The following CCDC66 variants were observed in gnomAD, a reference collection of about 807,000 sequenced individuals.
The protein encoded by CCDC66 is coiled-coil domain-containing protein 66.
Under a neutral mutation model 128.3 loss-of-function variants are expected in CCDC66, and 133 were observed. The observed-to-expected ratio is 1.04, with a 90% CI of 0.90 to 1.20. The LOEUF (loss-of-function observed/expected upper bound fraction) is 1.20, where lower values mean the gene tolerates loss of function less well. Among genes scored for constraint, CCDC66 ranks in the 50% most tolerant of loss-of-function variants. The pLI is 0.00. For missense variants in CCDC66, 1,126 were observed against 1,075.5 expected (o/e 1.05, Z -0.66); for synonymous variants, 387 against 357.0 (o/e 1.08, Z -0.95).
chr3:56,565,870 G>C (rs2065772344), intron 4 of CCDC66, among the ~76,000 whole-genome samples: 1 of 152,000 alleles, frequency 6.6e-6, no homozygotes, highest in Non-Finnish European at 1.5e-5. Flanking sequence ...GTTTCACCGT[G>C]TTCGCCAGGA....
intron 10 of CCDC66, among the ~76,000 whole-genome samples, chr3:56,600,485 G>A (rs1013972946): frequency 1.5e-4 from 23 of 151,858 alleles, no homozygotes; most frequent in Admixed American, 3.9e-4. Flanking sequence ...TAATCCCTTC[G>A]GTATATACCT....
At chr3:56,600,442 C>T (rs112932923) in intron 10 of CCDC66, among the ~76,000 whole-genome samples, 11 of 151,980 alleles carry the variant, frequency 7.2e-5, no homozygotes, top group African/African-American at 2.4e-4. Context: ...CCACCGCGCC[C>T]GGCTGCATGT....
chr3:56,561,334 C>T (rs575602140), intron 3 of CCDC66: 1 of 452,604 alleles, frequency 2.2e-6, no homozygotes, highest in African/African-American at 2.0e-5. Flanking sequence ...TGAAGATCCC[C>T]TTTATAGGCC....
chr3:56,563,403 AAAAAG>A (rs2065385734), intron 3 of CCDC66: 12 of 261,674 alleles, frequency 4.6e-5, no homozygotes, highest in Non-Finnish European at 5.0e-5. Flanking sequence ...GAAAAAAAAA[AAAAAG>A]AGATAATGTA....
intron 10 of CCDC66, among the ~76,000 whole-genome samples, chr3:56,605,929 C>T (rs1454856630): frequency 2.6e-5 from 4 of 151,098 alleles, no homozygotes; most frequent in Non-Finnish European, 5.9e-5. Context: ...TCTATAAGCC[C>T]CTGACTGGGG....
chr3:56,566,909 T>C, intron 5 of CCDC66, 41 bp from the exon 6 acceptor site: 1 of 1,540,032 alleles, frequency 6.5e-7, no homozygotes, highest in Non-Finnish European at 8.9e-7. Flanking sequence ...TGTGTAGAAA[T>C]GTATGATACA....
At chr3:56,565,655 T>C (rs9756585) in intron 4 of CCDC66, among the ~76,000 whole-genome samples, 4 of 151,184 alleles carry the variant, frequency 2.6e-5, no homozygotes, top group African/African-American at 4.9e-5. Flanking sequence ...CTCGCTCCGT[T>C]GCCCAGGCTG....
Position 56,613,496 on chromosome 3 carries a change from G to T in CCDC66, c.1405-93G>T, listed in dbSNP as rs546771301. 9.1e-6 allele frequency: 13 copies of T among 1,429,452 alleles called. No homozygotes were observed. The East Asian group carries it at 3.1e-4, about 34-fold the overall frequency. The allele number at this position is 1,429,452 out of a possible 1,614,324, so 88.5% of individuals were successfully genotyped here. On this transcript the variant is annotated intron_variant, in intron 10 of 17. Transcript: ENST00000394672. The stretch of plus-strand genomic sequence containing the variant: ...ATTTTGGTTCCCCTCTGTGGAAGAG[G>T]TGAGCACTGAATGTATCTAGTCAGC...
chr3:56,581,165 G>A (rs1040718104), intron 7 of CCDC66, among the ~76,000 whole-genome samples: 15 of 151,646 alleles, frequency 9.9e-5, no homozygotes, highest in African/African-American at 2.9e-4. Flanking sequence ...TTGATCTTCA[G>A]TCACTGATAC....
At chr3:56,569,249 T>G (rs1156655979) in intron 6 of CCDC66, 1 of 202,542 alleles carries the variant, frequency 4.9e-6, no homozygotes, top group Non-Finnish European at 1.1e-5. Flanking sequence ...TAGTCTGTTT[T>G]GTGTTGCTAT....
chr3:56,572,172 A>C (rs1332099769), intron 7 of CCDC66, among the ~76,000 whole-genome samples: 2 of 152,246 alleles, frequency 1.3e-5, no homozygotes, highest in Admixed American at 6.5e-5. Context: ...TTTTGAAATG[A>C]ATACAAAACT....
chr3:56,572,347 A>G, intron 7 of CCDC66: 1 of 1,289,328 alleles, frequency 7.8e-7, no homozygotes, highest in Non-Finnish European at 1.0e-6. Context: ...CTCTTCAAGC[A>G]TTCTATCACA....
At chr3:56,611,686 C>A (rs2074849003) in intron 10 of CCDC66, among the ~76,000 whole-genome samples, 1 of 151,990 alleles carries the variant, frequency 6.6e-6, no homozygotes, top group South Asian at 2.1e-4. Flanking sequence ...TGGCCACCCT[C>A]CTGATGGATC....
Position 56,567,031 on chromosome 3 carries a change from A to C in CCDC66, c.792A>C (p.Lys264Asn). ...ATAGAAGTTCGTTGGAAGCAAAAAA[A>C]GCCCAGTGGAGGAAAGAGCTAGGTA... is the stretch of plus-strand genomic sequence containing the variant. ...ECDRSSLEAK[K>N]AQWRKELDEQ... The change falls in exon 6 of 18, where the codon AAA becomes AAC. Residue 264 changes from lysine to asparagine, a missense_variant. Transcript: ENST00000394672. 5 of 1,613,780 alleles carry C rather than the reference A, an allele frequency of 3.1e-6. No individual in the cohort carries two copies. The highest frequency in any genetic ancestry group is 3.4e-6 in the Non-Finnish European group (4 of 1,179,654).
intron 8 of CCDC66, 67 bp downstream of exon 8, chr3:56,593,168 A>G (rs1421700765): frequency 4.7e-6 from 6 of 1,288,140 alleles, no homozygotes; most frequent in Non-Finnish European, 6.4e-6. Context: ...AATTAAAACT[A>G]GAAGTATTCT....
At chr3:56,561,968 T>G (rs1167182294) in intron 3 of CCDC66, among the ~76,000 whole-genome samples, 2 of 152,138 alleles carry the variant, frequency 1.3e-5, no homozygotes, top group African/African-American at 4.8e-5. Flanking sequence ...CTCTATCTCA[T>G]TATCATCAAG....
chr3:56,563,360 C>CA (rs2065369002), intron 3 of CCDC66, among the ~76,000 whole-genome samples: 1 of 116,748 alleles, frequency 8.6e-6, no homozygotes, highest in Non-Finnish European at 1.8e-5. Flanking sequence ...AATGCTGTGT[C>CA]AAAAAAAAGT....
chr3:56,592,866 C>A, intron 7 of CCDC66, 104 bp from the exon 8 acceptor site: 1 of 1,135,344 alleles, frequency 8.8e-7, no homozygotes, highest in Non-Finnish European at 1.3e-6. Context: ...CAGATAAATG[C>A]CTCAGTGGAT....
rs546299913 is a variant in CCDC66, at chr3:56,612,269, C to T, written c.1405-1320C>T. 2.8e-4 allele frequency among the ~76,000 whole-genome samples: 42 copies of T among 152,102 alleles called. No individual in the cohort carries two copies. The South Asian group carries it at 6.0e-3, about 22-fold the overall frequency. ...TGTGCAGTAGTGTAATCTCTATAGA[C>T]TTTTTTTTGGCCGAAAACAGTATCT... On this transcript the variant is annotated intron_variant, in intron 10 of 17. Transcript: ENST00000394672.
Sources: gnomAD v4.1 joint callset for allele counts (sites outside exome capture counted in the v4.1 genomes callset) on GRCh38, gnomAD v4.1.1 for gene constraint, MANE v1.5 for transcripts, NCBI Gene and HGNC (gene_info 2026-07-23, HGNC 2026-07-21) for gene names.